Variants in VAT1L observed in about 807,000 individuals in gnomAD.
VAT1L encodes the protein putative NADPH-dependent quinone oxidoreductase VAT1L.
A neutral mutation model predicts 44.1 loss-of-function variants in VAT1L; 34 were observed. The ratio of observed to expected loss-of-function variants is 0.77; its 90% CI spans 0.59 to 1.03. The LOEUF (loss-of-function observed/expected upper bound fraction) is 1.03, where lower values mean the gene tolerates loss of function less well. Ranked by LOEUF, VAT1L falls within the 50% of genes least tolerant of loss-of-function variation. The probability of loss-of-function intolerance (pLI) is 0.00; values close to 1 mark genes in which losing one functional copy is unlikely to be tolerated. For synonymous variants in VAT1L, 253 were observed against 202.2 expected (o/e 1.25, Z -2.13); for missense variants, 615 against 538.8 (o/e 1.14, Z -1.40).
intron 7 of VAT1L, among the ~76,000 whole-genome samples, chr16:77,962,971 T>A (rs1243523577): frequency 6.6e-6 from 1 of 151,756 alleles, no homozygotes; most frequent in Non-Finnish European, 1.5e-5. Context: ...AAAGAAACAA[T>A]CTTAGGGTTC....
intron 2 of VAT1L, among the ~76,000 whole-genome samples, chr16:77,821,809 G>C (rs2016457710): frequency 6.6e-6 from 1 of 152,028 alleles, no homozygotes; most frequent in Non-Finnish European, 1.5e-5. Flanking sequence ...AATAAGAAGA[G>C]ATGTCAGTTC....
chr16:77,877,882 G>A (rs552447750), intron 5 of VAT1L, among the ~76,000 whole-genome samples: 93 of 152,302 alleles, frequency 6.1e-4, no homozygotes, highest in African/African-American at 2.1e-3. Context: ...TCATAGCCAT[G>A]TATTTCCTTT....
At chr16:77,904,860 T>G (rs1478445640) in intron 7 of VAT1L, among the ~76,000 whole-genome samples, 1 of 152,336 alleles carries the variant, frequency 6.6e-6, no homozygotes, top group Middle Eastern at 3.4e-3. Flanking sequence ...ATGGTTGCAC[T>G]TCATTGTTTT....
chr16:77,814,312 G>T (rs1467069594), intron 1 of VAT1L, among the ~76,000 whole-genome samples: 1 of 152,186 alleles, frequency 6.6e-6, no homozygotes, highest in Non-Finnish European at 1.5e-5. Context: ...ACCTGTCCTA[G>T]TCTCCGTCTC....
In VAT1L at chr16:77,797,401, G is replaced by A. The variant is rs560161181; in HGVS notation, c.233+8486G>A. ...GCTGGGATTACAGGCGTGAGCCACCGCGCCCAGCAATTTTTCTTTTTTTAG... is the reference window on the plus strand; with the variant it reads ...GCTGGGATTACAGGCGTGAGCCACCACGCCCAGCAATTTTTCTTTTTTTAG... On this transcript the variant is annotated intron_variant, in intron 1 of 8. Transcript: ENST00000302536. Among the ~76,000 whole-genome samples the A allele has an allele frequency of 6.6e-4, 101 of 152,228 alleles. 2 individuals are homozygous for A. The South Asian group carries it at 0.017, about 25-fold the overall frequency.
At chr16:77,901,591 C>T (rs2017384363) in intron 7 of VAT1L, among the ~76,000 whole-genome samples, 1 of 152,180 alleles carries the variant, frequency 6.6e-6, no homozygotes, top group Non-Finnish European at 1.5e-5. Context: ...CCTCTCAGAG[C>T]AGGTGGAATA....
chr16:77,944,279 G>A (rs555258824), intron 7 of VAT1L, among the ~76,000 whole-genome samples: 48 of 152,246 alleles, frequency 3.2e-4, no homozygotes, highest in African/African-American at 1.1e-3. Context: ...TAAAAGATGT[G>A]TTTACTCTAC....
chr16:77,908,972 A>G (rs2017470383), intron 7 of VAT1L, among the ~76,000 whole-genome samples: 1 of 152,198 alleles, frequency 6.6e-6, no homozygotes. Flanking sequence ...GAAAGAGAGA[A>G]GCAGGGGGAT....
chr16:77,874,159 A>G (rs771941843), intron 4 of VAT1L, among the ~76,000 whole-genome samples: 10 of 152,100 alleles, frequency 6.6e-5, no homozygotes, highest in Non-Finnish European at 1.0e-4. Flanking sequence ...GGAGGTATGC[A>G]TGGCCTAATA....
chr16:77,839,354 T>C (rs2016677636), intron 3 of VAT1L, among the ~76,000 whole-genome samples: 1 of 151,028 alleles, frequency 6.6e-6, no homozygotes, highest in Non-Finnish European at 1.5e-5. Flanking sequence ...GCCAACACGG[T>C]GAAACCCTGT....
At chr16:77,881,788 C>G (rs1195486908) in intron 6 of VAT1L, among the ~76,000 whole-genome samples, 2 of 152,252 alleles carry the variant, frequency 1.3e-5, no homozygotes, top group African/African-American at 4.8e-5. Flanking sequence ...CCCCTGAAGA[C>G]AGGCTTTGTG....
chr16:77,795,411 C>G (rs1187726094), intron 1 of VAT1L, among the ~76,000 whole-genome samples: 1 of 152,216 alleles, frequency 6.6e-6, no homozygotes, highest in East Asian at 1.9e-4. Context: ...AGCTTATTAA[C>G]AGCTTAATAA....
intron 3 of VAT1L, among the ~76,000 whole-genome samples, chr16:77,848,330 T>C (rs2016776428): frequency 1.3e-5 from 2 of 152,060 alleles, no homozygotes; most frequent in South Asian, 4.1e-4. Flanking sequence ...TTGCACCAGG[T>C]AGGAGGTTGG....
intron 3 of VAT1L, among the ~76,000 whole-genome samples, chr16:77,827,669 A>C (rs757107148): frequency 5.9e-5 from 9 of 152,182 alleles, no homozygotes; most frequent in Non-Finnish European, 1.2e-4. Context: ...AGTGAGTGAA[A>C]ATAGGGGGAA....
intron 7 of VAT1L, among the ~76,000 whole-genome samples, chr16:77,944,149 G>C (rs2017929337): frequency 6.6e-6 from 1 of 152,218 alleles, no homozygotes; most frequent in South Asian, 2.1e-4. Flanking sequence ...GCCAGGGATT[G>C]TGCTAAACAT....
At chr16:77,874,765 G>A (rs2017069499) in intron 4 of VAT1L, among the ~76,000 whole-genome samples, 1 of 140,726 alleles carries the variant, frequency 7.1e-6, no homozygotes, top group Non-Finnish European at 1.5e-5. Flanking sequence ...AAAAAGAGGA[G>A]AAAGCAATAT....
chr16:77,888,424 G>A (rs78312052), intron 7 of VAT1L, among the ~76,000 whole-genome samples: 2 of 152,170 alleles, frequency 1.3e-5, no homozygotes, highest in Admixed American at 6.5e-5. Flanking sequence ...CAGAGAAAGA[G>A]GACTAGTTGG....
chr16:77,887,165 G>A lies in VAT1L; in HGVS notation c.1077+2363G>A, dbSNP rs74028016. On this transcript the variant is annotated intron_variant, in intron 7 of 8. Transcript: ENST00000302536. Reference sequence around the variant, plus strand: ...CACAAGGAGATCCCTAAAAACAAAGGGGTGAAGAACAAAAGATTTTGGTAA... The same window carrying A: ...CACAAGGAGATCCCTAAAAACAAAGAGGTGAAGAACAAAAGATTTTGGTAA... Among the ~76,000 whole-genome samples, 418 of 152,268 alleles carry A rather than the reference G, an allele frequency of 2.7e-3. 2 individuals are homozygous for A. Among genetic ancestry groups the A allele is most frequent in the African/African-American group, 9.8e-3 (409 of 41,558 alleles).
chr16:77,866,402 T>C (rs1358637157), intron 4 of VAT1L, among the ~76,000 whole-genome samples: 1 of 151,868 alleles, frequency 6.6e-6, no homozygotes, highest in African/African-American at 2.4e-5. Context: ...AAAATGCCCA[T>C]GGTAGCACAT....
Sources: gnomAD v4.1 joint callset for allele counts (sites outside exome capture counted in the v4.1 genomes callset) on GRCh38, gnomAD v4.1.1 for gene constraint, MANE v1.5 for transcripts, NCBI Gene and HGNC (gene_info 2026-07-23, HGNC 2026-07-21) for gene names.